The following LYST variants were observed in gnomAD, a reference collection of about 807,000 sequenced individuals.
LYST encodes lysosomal trafficking regulator, also known as lysosomal-trafficking regulator.
LYST carries 192 observed loss-of-function variants against 413.6 expected under a neutral mutation model. The ratio of observed to expected loss-of-function variants is 0.46; its 90% confidence interval spans 0.41 to 0.52. LYST has a LOEUF of 0.52. Among genes scored for constraint, LYST ranks in the 20% least tolerant of loss-of-function variants. The pLI, the probability that LYST is intolerant of heterozygous loss-of-function variation, is 0.00. For missense variants in LYST, 3,815 were observed against 4,499.9 expected, an observed-to-expected ratio of 0.85 and a Z score of 4.35; for synonymous variants, 1,525 against 1,567.3, an observed-to-expected ratio of 0.97 and a Z score of 0.64.
intron 38 of LYST, among the ~76,000 whole-genome samples, chr1:235,725,344 G>A (rs1663764877): frequency 6.6e-6 from 1 of 152,122 alleles, no homozygotes; most frequent in African/African-American, 2.4e-5. Flanking sequence ...TGAGGCAGGA[G>A]AATCACCTGA....
chr1:235,715,302 A>T lies in LYST; in HGVS notation c.9683T>A (p.Val3228Glu). The part of the protein sequence containing the change: ...GAREDDPMPP[V>E]QPYHYGSHYS... ...GTGGGAGCCATAGTGATAGGGCTGC[A>T]CGGGAGGCATGGGGTCATCTTCTCT... is the stretch of plus-strand genomic sequence containing the variant. Residue 3228 changes from valine to glutamate, a missense_variant, in exon 42 of 53, where the codon GTG (valine) becomes GAG (glutamate). Val to Glu is a moderately radical substitution (Grantham distance 121). Transcript: ENST00000389793. 6.2e-7 allele frequency: 1 copy of T among 1,614,032 alleles called. No individual in the cohort carries two copies. Among genetic ancestry groups the T allele is most frequent in the Non-Finnish European group, 8.5e-7 (1 of 1,179,902 alleles).
chr1:235,806,816 C>T (rs760735266), intron 5 of LYST, 44 bp from the exon 6 acceptor site: 2 of 1,283,930 alleles, frequency 1.6e-6, no homozygotes, highest in Admixed American at 3.6e-5. Flanking sequence ...AATAAAGAAA[C>T]ATCATTTATA....
At position 235,664,198 on chromosome 1, in the gene LYST, G is replaced by A; in HGVS notation, c.11196-143C>T. 1.3e-6 allele frequency: 1 copy of A among 752,120 alleles called. No homozygotes were observed. Among genetic ancestry groups the A allele is most frequent in the Non-Finnish European group, 2.3e-6 (1 of 437,530 alleles). The allele number at this position is 752,120 out of a possible 1,614,324, so 46.6% of individuals were successfully genotyped here. A position where few individuals can be genotyped will look rare whatever the true frequency, so the allele number is the denominator to read the frequency against. ...GTAGTTCCCTCTAGGGAGTTTGCAG[G>A]GGGTAGATGTGGGAATAAGAGAACT... On this transcript the variant is annotated intron_variant, in intron 51 of 52. Coordinates refer to ENST00000389793, the MANE Select transcript of LYST (RefSeq NM_000081.4). The surrounding 1 kb of genome is among the most constrained non-coding windows in gnomAD (Gnocchi z 4.5).
chr1:235,751,106 T>G, intron 28 of LYST, 104 bp downstream of exon 28: 2 of 1,178,746 alleles, frequency 1.7e-6, no homozygotes, highest in Non-Finnish European at 2.5e-6. Flanking sequence ...TTCTTAAATT[T>G]TATGTAAAAC....
At position 235,664,214 on chromosome 1, in the gene LYST, T is replaced by A. The variant is rs568732653; in HGVS notation, c.11196-159A>T. Among the ~76,000 whole-genome samples the A allele has an allele frequency of 3.9e-5, 6 of 152,218 alleles. No individual in the cohort carries two copies. The highest frequency in any genetic ancestry group is 8.8e-5 in the Non-Finnish European group (6 of 68,032). ...AGTTTGCAGGGGGTAGATGTGGGAATAAGAGAACTTTTAACTTTGTATACT... is the reference window on the plus strand; with the variant it reads ...AGTTTGCAGGGGGTAGATGTGGGAAAAAGAGAACTTTTAACTTTGTATACT... On this transcript the variant is annotated intron_variant, in intron 51 of 52. Transcript: ENST00000389793. The surrounding 1 kb of genome is among the most constrained non-coding windows in gnomAD (Gnocchi z 4.5).
In LYST at chr1:235,809,562, G is replaced by A; in HGVS notation, c.1256C>T (p.Ala419Val). The change falls in exon 5 of 53, where the codon GCA (alanine) becomes GTA (valine). Residue 419 changes from alanine to valine, a missense_variant. Ala to Val is a moderately conservative substitution (Grantham distance 64). Around this residue, in one of 4 missense-constraint regions of LYST, gnomAD observed 1,648 missense variants for 1,810.3 expected, o/e 0.91. Coordinates refer to ENST00000389793, the MANE Select transcript of LYST (RefSeq NM_000081.4). This position sits in a 1 kb window ranked among gnomAD's most constrained non-coding sequence, Gnocchi z 4.0. ...LQILICCLQS[A>V]ASNPFYFSQA... is the part of the protein sequence containing the mutation. ...ACTGAAGTAGAAGGGATTTGAAGCT[G>A]CACTTTGAAGACAACAGATCAGAAT... 1 of 1,613,970 alleles carries A rather than the reference G, an allele frequency of 6.2e-7. No homozygotes were observed. The highest frequency in any genetic ancestry group is 8.5e-7 in the Non-Finnish European group (1 of 1,179,944).
rs1678990324 is a variant in LYST at position 235,854,986 on chromosome 1, AT to A, written c.-98+11856del. On this transcript the variant is annotated intron_variant, in intron 1 of 52. Transcript: ENST00000389793. This position sits in a 1 kb window ranked among gnomAD's most constrained non-coding sequence, Gnocchi z 4.1. ...ATCAAAGTATGCAATACCTGCTACA[AT>A]TTAGCTTTTCCAAACTCCCAACACA... Among the ~76,000 whole-genome samples, 1 of 152,224 alleles carries A rather than the reference AT, an allele frequency of 6.6e-6. No individual in the cohort carries two copies. The highest frequency in any genetic ancestry group is 2.4e-5 in the African/African-American group (1 of 41,450).
intron 42 of LYST, chr1:235,712,520 C>A: frequency 1.2e-6 from 1 of 832,902 alleles, no homozygotes; most frequent in Non-Finnish European, 1.5e-6. Context: ...TCACCCACAC[C>A]TTGCACATAA....
intron 4 of LYST, among the ~76,000 whole-genome samples, chr1:235,811,861 T>C (rs967201739): frequency 6.6e-6 from 1 of 152,098 alleles, no homozygotes; most frequent in African/African-American, 2.4e-5. Flanking sequence ...TAACAATTTG[T>C]GAATTCTGCA....
chr1:235,875,048 C>G (rs1157501622), intron 1 of LYST, among the ~76,000 whole-genome samples: 1 of 152,174 alleles, frequency 6.6e-6, no homozygotes, highest in East Asian at 1.9e-4. Context: ...TTAACACGAT[C>G]CCCGGGTGAT....
chr1:235,804,430 G>A lies in LYST; in HGVS notation c.3555+74C>T, dbSNP rs10489646. ...ATATGCTCTAATGACATTCATCAGC[G>A]TCCTAGTGTCATCCCACACTTCCGC... On this transcript the variant is annotated intron_variant, in intron 7 of 52. Transcript: ENST00000389793. 4.9e-3 allele frequency: 5,640 copies of A among 1,141,828 alleles called. 172 individuals are homozygous for A. In the African/African-American group the frequency reaches 0.072, roughly 15 times the overall value. 70.7% of individuals were successfully genotyped at this position (1,141,828 alleles called of 1,614,324 possible). A position where few individuals can be genotyped will look rare whatever the true frequency, so the allele number is the denominator to read the frequency against.
At position 235,806,148 on chromosome 1, in the gene LYST, C is replaced by T; in HGVS notation, c.2988G>A (p.Met996Ile). 1 of 1,613,846 alleles carries T rather than the reference C, an allele frequency of 6.2e-7. No homozygotes were observed. Among genetic ancestry groups the T allele is most frequent in the Non-Finnish European group, 8.5e-7 (1 of 1,179,986 alleles). ...GFRVCHKLIF[M>I]IIQKLFRSHK... The stretch of plus-strand genomic sequence containing the variant: ...GACTTCTGAACAGTTTCTGTATTAT[C>T]ATAAATATTAACTTATGGCATACTC... The change falls in exon 6 of 53, where the codon ATG becomes ATA. Residue 996 changes from methionine to isoleucine, a missense_variant. Around this residue, in one of 4 missense-constraint regions of LYST, gnomAD observed 1,648 missense variants for 1,810.3 expected, o/e 0.91. Coordinates refer to ENST00000389793, the MANE Select transcript of LYST (RefSeq NM_000081.4).
chr1:235,807,086 A>G (rs960001828), intron 5 of LYST, among the ~76,000 whole-genome samples: 7 of 152,230 alleles, frequency 4.6e-5, no homozygotes, highest in Non-Finnish European at 1.5e-5. Flanking sequence ...GGCAAATTCT[A>G]TATAAATTCT....
At position 235,668,627 on chromosome 1, in the gene LYST, T is replaced by C. The variant is rs1030228084; in HGVS notation, c.11039-4006A>G. On this transcript the variant is annotated intron_variant, in intron 50 of 52. Coordinates refer to ENST00000389793, the MANE Select transcript of LYST (RefSeq NM_000081.4). Reference sequence around the variant, plus strand: ...GCTGATATAATATCACAGATATAAATCACTACTGGCAGCAGGAAAGTAATT... The same window carrying C: ...GCTGATATAATATCACAGATATAAACCACTACTGGCAGCAGGAAAGTAATT... 7.9e-5 allele frequency among the ~76,000 whole-genome samples: 12 copies of C among 152,206 alleles called. No homozygotes were observed. In the East Asian group the frequency reaches 2.3e-3, roughly 29 times the overall value.
In LYST at chr1:235,733,889, T is replaced by C; in HGVS notation, c.8553A>G (p.Glu2851=). Residue 2851 remains glutamate, a synonymous_variant, in exon 33 of 53, where the codon GAA becomes GAG. Transcript: ENST00000389793. ...CAGCTTTATTCACTCCTTCTTCAGT[T>C]TCATATTTCTTTTGTTCCTAGAAGA... ...KMIKEEQKKY[E]TEEGVNKAAW... The C allele has an allele frequency of 4.4e-6, 7 of 1,579,988 alleles. No homozygotes were observed. The highest frequency in any genetic ancestry group is 6.1e-6 in the Non-Finnish European group (7 of 1,149,698).
intron 1 of LYST, among the ~76,000 whole-genome samples, chr1:235,849,945 T>C (rs1283571718): frequency 2.0e-5 from 3 of 152,064 alleles, no homozygotes; most frequent in African/African-American, 7.2e-5. Flanking sequence ...AAAATGACTA[T>C]ACTGCCAAAA....
intron 16 of LYST, 33 bp downstream of exon 16, chr1:235,780,832 T>C (rs1034718394): frequency 1.1e-6 from 1 of 917,052 alleles, no homozygotes; most frequent in Admixed American, 2.7e-5. Context: ...ATACATTTAC[T>C]ATAAAATTAA....
chr1:235,740,889 T>C lies in LYST; in HGVS notation c.8358+533A>G, dbSNP rs1455223645. ...TTTTTAAGAAACTGTTAAACAGCCC[T>C]CCAATATGGTTTAATGTACCTTTTA... On this transcript the variant is annotated intron_variant, in intron 31 of 52. Coordinates refer to ENST00000389793, the MANE Select transcript of LYST (RefSeq NM_000081.4). Among the ~76,000 whole-genome samples, 4 of 152,206 alleles carry C rather than the reference T, an allele frequency of 2.6e-5. No homozygotes were observed. The East Asian group carries it at 7.7e-4, about 29-fold the overall frequency.
intron 48 of LYST, among the ~76,000 whole-genome samples, chr1:235,683,488 C>A (rs796297103): frequency 2.0e-5 from 3 of 152,228 alleles, no homozygotes. Flanking sequence ...TTATAGGTTA[C>A]AATCCCATAT....
Sources: allele counts gnomAD v4.1 joint callset (sites outside exome capture counted in the v4.1 genomes callset), GRCh38; gene constraint gnomAD v4.1.1; regional missense constraint gnomAD v4.1.1; non-coding constraint Gnocchi (gnomAD v3.1); transcripts MANE v1.5; gene names NCBI Gene and HGNC (gene_info 2026-07-23, HGNC 2026-07-21).